Variants in PMFBP1 observed in about 807,000 individuals in gnomAD.
The protein encoded by PMFBP1 is polyamine-modulated factor 1-binding protein 1.
PMFBP1 carries 131 observed loss-of-function variants against 137.8 expected under a neutral mutation model. That is an observed-to-expected ratio of 0.95 (90% confidence interval 0.82 to 1.10). The LOEUF is 1.10. Ranked by LOEUF, PMFBP1 falls within the 50% of genes least tolerant of loss-of-function variation. PMFBP1 has a pLI of 0.00. For missense variants in PMFBP1, 1,199 were observed against 1,175.4 expected, an observed-to-expected ratio of 1.02 and a Z score of -0.29; for synonymous variants, 490 against 450.4, an observed-to-expected ratio of 1.09 and a Z score of -1.11.
chr16:72,248,759 G>C, the PMFBP1 span, among the ~76,000 whole-genome samples: 146 of 152,182 alleles, frequency 9.6e-4, no homozygotes, highest in African/African-American at 3.4e-3. Context: ...GCCCAATGAA[G>C]TTGAGAATTT....
intron 4 of PMFBP1, 29 bp downstream of exon 4, chr16:72,154,182 G>T: frequency 6.2e-7 from 1 of 1,606,870 alleles, no homozygotes. Context: ...TAAGAATGTG[G>T]GTTATTTCCA....
chr16:72,137,350 G>C (rs182924819), intron 7 of PMFBP1, among the ~76,000 whole-genome samples: 1 of 152,172 alleles, frequency 6.6e-6, no homozygotes, highest in Non-Finnish European at 1.5e-5. Context: ...GACCTAGTGG[G>C]GTGAGATGAA....
chr16:72,131,956 C>T (rs2042555771), intron 10 of PMFBP1, among the ~76,000 whole-genome samples: 1 of 152,126 alleles, frequency 6.6e-6, no homozygotes, highest in African/African-American at 2.4e-5. Context: ...AGTGATCCTC[C>T]CACCTCAGCC....
At chr16:72,119,057 C>A, downstream of PMFBP1, 1 of 374,154 alleles carries the variant, frequency 2.7e-6, no homozygotes. Flanking sequence ...GATTGCGGGG[C>A]AGAAATGTCT....
the PMFBP1 span, among the ~76,000 whole-genome samples, chr16:72,186,557 G>T: frequency 2.6e-5 from 4 of 152,112 alleles, no homozygotes; most frequent in East Asian, 7.7e-4. Context: ...AGGTTTTCGA[G>T]CTGGGGAGAG....
chr16:72,122,074 T>C (rs929594253), intron 19 of PMFBP1, among the ~76,000 whole-genome samples: 2 of 152,126 alleles, frequency 1.3e-5, no homozygotes, highest in Non-Finnish European at 2.9e-5. Context: ...ACAGACCCCA[T>C]TGTCTGTTGT....
downstream of PMFBP1, among the ~76,000 whole-genome samples, chr16:72,117,211 T>C (rs2042317113): frequency 6.6e-6 from 1 of 151,652 alleles, no homozygotes; most frequent in Non-Finnish European, 1.5e-5. Flanking sequence ...ATTGTACAAG[T>C]CTTTTACTGC....
At chr16:72,150,552 G>A in intron 5 of PMFBP1, 56 bp downstream of exon 5, 1 of 1,550,608 alleles carries the variant, frequency 6.4e-7, no homozygotes. Flanking sequence ...TGTCTGAGGG[G>A]ACCACCTGGG....
chr16:72,139,528 C>A (rs1308681787), intron 6 of PMFBP1, 129 bp from the exon 7 acceptor site: 2 of 744,404 alleles, frequency 2.7e-6, no homozygotes, highest in Non-Finnish European at 4.6e-6. Flanking sequence ...ATCAGGCATT[C>A]CCTGTGGGGT....
chr16:72,246,402 C>G, the PMFBP1 span, among the ~76,000 whole-genome samples: 68 of 152,226 alleles, frequency 4.5e-4, no homozygotes, highest in African/African-American at 1.6e-3. Flanking sequence ...TGAGGAACAG[C>G]TGAAATGAAA....
At chr16:72,140,932 T>C (rs1393049000) in intron 5 of PMFBP1, among the ~76,000 whole-genome samples, 1 of 132,494 alleles carries the variant, frequency 7.5e-6, no homozygotes, top group Non-Finnish European at 1.6e-5. Flanking sequence ...ATGAGTCTTT[T>C]TTTTTTTTTT....
In PMFBP1 at chr16:72,125,858, A is replaced by G; in HGVS notation, c.2253+110T>C. On this transcript the variant is annotated intron_variant, in intron 15 of 20. Transcript: ENST00000237353. ...ATCCCAGCCCACACAAGGGTTTGAG[A>G]TGGCCCCATTGACAGTCAATAGGCA... The G allele has an allele frequency of 2.2e-6, 3 of 1,344,244 alleles. No individual in the cohort carries two copies. In the South Asian group the frequency reaches 4.2e-5, roughly 19 times the overall value. The allele number at this position is 1,344,244 out of a possible 1,614,324, so 83.3% of individuals were successfully genotyped here.
chr16:72,186,910 C>T, the PMFBP1 span, among the ~76,000 whole-genome samples: 1 of 151,930 alleles, frequency 6.6e-6, no homozygotes, highest in African/African-American at 2.4e-5. Context: ...GTCAAGGGTT[C>T]GAGACAAGCC....
At chr16:72,205,582 G>A in the PMFBP1 span, among the ~76,000 whole-genome samples, 1 of 152,184 alleles carries the variant, frequency 6.6e-6, no homozygotes, top group Non-Finnish European at 1.5e-5. Context: ...AAAAGGGTAT[G>A]ATGCCAGGAC....
rs191915482 is a variant in PMFBP1, at chr16:72,133,810, A to G, written c.1204-819T>C. On this transcript the variant is annotated intron_variant, in intron 9 of 20. Transcript: ENST00000237353. ...AAAACACCTGAAACTGGTGATCAGC[A>G]GACTCCTGGGTAAGGTCTCAGGAGT... Among the ~76,000 whole-genome samples the G allele has an allele frequency of 1.2e-4, 19 of 152,310 alleles. No individual in the cohort carries two copies. The East Asian group carries it at 1.7e-3, about 14-fold the overall frequency.
chr16:72,136,264 T>C (rs944185363), intron 9 of PMFBP1, among the ~76,000 whole-genome samples, 184 bp downstream of exon 9: 1 of 152,274 alleles, frequency 6.6e-6, no homozygotes, highest in Non-Finnish European at 1.5e-5. Flanking sequence ...TCATTTATTA[T>C]GTATGATGAG....
the PMFBP1 span, among the ~76,000 whole-genome samples, chr16:72,249,787 G>A: frequency 1.3e-5 from 2 of 151,288 alleles, no homozygotes; most frequent in Non-Finnish European, 2.9e-5. Context: ...TGGGCGTGGT[G>A]GCGGGCACCT....
Position 72,130,183 on chromosome 16 carries a change from T to G in PMFBP1, c.1782+30A>C, listed in dbSNP as rs185331696. 5.0e-6 allele frequency: 8 copies of G among 1,607,754 alleles called. No homozygotes were observed. In the African/African-American group the frequency reaches 6.7e-5, roughly 13 times the overall value. ...GTTTTATCTTAAGCAGAGCAAGCACTTGAATGGGCCATCTGCCTGCCCGTC... is the reference window on the plus strand; with the variant it reads ...GTTTTATCTTAAGCAGAGCAAGCACGTGAATGGGCCATCTGCCTGCCCGTC... On this transcript the variant is annotated intron_variant, in intron 12 of 20. Coordinates refer to ENST00000237353, the MANE Select transcript of PMFBP1 (RefSeq NM_031293.3).
At chr16:72,133,067 C>T (rs1401315400) in intron 9 of PMFBP1, 76 bp from the exon 10 acceptor site, 1 of 1,551,014 alleles carries the variant, frequency 6.4e-7, no homozygotes. Context: ...TTGTCTCAAG[C>T]CCTCATCCAA....
Sources: allele counts gnomAD v4.1 joint callset (sites outside exome capture counted in the v4.1 genomes callset), GRCh38; gene constraint gnomAD v4.1.1; transcripts MANE v1.5; gene names NCBI Gene and HGNC (gene_info 2026-07-23, HGNC 2026-07-21).